Variants in XIRP2 observed in about 807,000 individuals in gnomAD.
XIRP2 encodes the protein xin actin binding repeat containing 2, also known as xin actin-binding repeat-containing protein 2.
Under a neutral mutation model 277.0 loss-of-function variants are expected in XIRP2, and 236 were observed. That is an observed-to-expected ratio of 0.85 (90% CI 0.77 to 0.95). The LOEUF is 0.95. Among genes scored for constraint, XIRP2 ranks in the 40% least tolerant of loss-of-function variants. XIRP2 has a pLI of 0.00. For missense variants in XIRP2, 4,640 were observed against 4,157.5 expected (o/e 1.12, Z -3.19); for synonymous variants, 1,490 against 1,416.5 (o/e 1.05, Z -1.17).
At chr2:167,202,708 A>G (rs1693757609) in intron 3 of XIRP2, among the ~76,000 whole-genome samples, 1 of 152,222 alleles carries the variant, frequency 6.6e-6, no homozygotes, top group Non-Finnish European at 1.5e-5. Context: ...TGTACAGTGA[A>G]TGCTTGTATC....
chr2:167,017,239 C>A (rs1305513329), intron 2 of XIRP2, among the ~76,000 whole-genome samples: 2 of 152,008 alleles, frequency 1.3e-5, no homozygotes, highest in Non-Finnish European at 2.9e-5. Flanking sequence ...TAATCTCCCA[C>A]TTCCTCTACA....
At position 167,251,038 on chromosome 2, in the gene XIRP2, A is replaced by G. The variant is rs773529778; in HGVS notation, c.9646A>G (p.Met3216Val). ...PIVEKRSEIIMSPATLRRQIK... is the reference protein window; with the variant it reads ...PIVEKRSEIIVSPATLRRQIK... ...TGTAGAGAAGAGGTCTGAAATCATCATGTCTCCTGCAACACTTCGTCGTCA... is the reference window on the plus strand; with the variant it reads ...TGTAGAGAAGAGGTCTGAAATCATCGTGTCTCCTGCAACACTTCGTCGTCA... The change falls in exon 9 of 11, where the codon ATG becomes GTG. Residue 3216 changes from methionine to valine, a missense_variant. Transcript: ENST00000409195. 12 of 1,613,656 alleles carry G rather than the reference A, an allele frequency of 7.4e-6. No homozygotes were observed. Among genetic ancestry groups the G allele is most frequent in the Non-Finnish European group, 8.5e-6 (10 of 1,179,740 alleles).
intron 2 of XIRP2, among the ~76,000 whole-genome samples, chr2:167,044,974 A>G (rs1030137260): frequency 2.0e-5 from 3 of 152,090 alleles, no homozygotes; most frequent in Non-Finnish European, 2.9e-5. Context: ...AGCCAGAGGC[A>G]TCACAATTCC....
chr2:167,026,905 T>C (rs1217817696), intron 2 of XIRP2, among the ~76,000 whole-genome samples: 1 of 152,144 alleles, frequency 6.6e-6, no homozygotes, highest in African/African-American at 2.4e-5. Flanking sequence ...CCTTTGTGGG[T>C]AACCCGACCT....
At chr2:166,909,876 G>T (rs1213278490) in intron 2 of XIRP2, among the ~76,000 whole-genome samples, 1 of 152,144 alleles carries the variant, frequency 6.6e-6, no homozygotes, top group African/African-American at 2.4e-5. Context: ...TAATCATGTG[G>T]TTTTTATCTT....
chr2:167,162,226 T>G (rs973697164), intron 3 of XIRP2, among the ~76,000 whole-genome samples: 1 of 152,248 alleles, frequency 6.6e-6, no homozygotes, highest in African/African-American at 2.4e-5. Context: ...TGTTCCAACA[T>G]CTGCCTGTTA....
chr2:167,092,496 T>C (rs896139240), intron 2 of XIRP2, among the ~76,000 whole-genome samples: 1 of 152,118 alleles, frequency 6.6e-6, no homozygotes, highest in Non-Finnish European at 1.5e-5. Context: ...CTTTTCAGTA[T>C]AAAAGTATTT....
Position 167,022,187 on chromosome 2 carries a change from T to C in XIRP2, c.409-113722T>C, listed in dbSNP as rs145695429. On this transcript the variant is annotated intron_variant, in intron 2 of 10. Transcript: ENST00000409195. ...GAAGAATATCTTTACAAACTATACA[T>C]TGTAATGTATGAAATTGTATGGGGA... is the stretch of plus-strand genomic sequence containing the variant. 4.0e-3 allele frequency among the ~76,000 whole-genome samples: 611 copies of C among 152,204 alleles called. 6 individuals are homozygous for C. The highest frequency in any genetic ancestry group is 0.014 in the African/African-American group (579 of 41,558).
At chr2:166,939,918 A>G (rs1252129734) in intron 2 of XIRP2, among the ~76,000 whole-genome samples, 7 of 151,856 alleles carry the variant, frequency 4.6e-5, no homozygotes, top group Non-Finnish European at 7.4e-5. Flanking sequence ...TCTGACAATT[A>G]TGTGTCTTGG....
intron 2 of XIRP2, 125 bp from the exon 3 acceptor site, chr2:167,135,784 A>G: frequency 1.1e-6 from 1 of 896,062 alleles, no homozygotes; most frequent in South Asian, 2.7e-5. Flanking sequence ...CCTGAAGCAT[A>G]TTGAAAACAT....
intron 2 of XIRP2, among the ~76,000 whole-genome samples, chr2:166,912,957 C>G (rs192556812): frequency 1.4e-4 from 22 of 152,294 alleles, no homozygotes; most frequent in African/African-American, 5.3e-4. Flanking sequence ...CTGATCATTC[C>G]TCTGGAAGCT....
In XIRP2 at chr2:167,259,167, G is replaced by T; in HGVS notation, c.*1350G>T. On this transcript the variant is annotated 3_prime_UTR_variant, in exon 11 of 11. Transcript: ENST00000409195. ...AAAAATATGCCATGCTTGGATTTAA[G>T]GGAATTTGGAAAGGATGTTAAACCT... The T allele has an allele frequency of 2.5e-6, 4 of 1,613,310 alleles. No homozygotes were observed. The highest frequency in any genetic ancestry group is 3.4e-6 in the Non-Finnish European group (4 of 1,179,618).
At position 167,198,627 on chromosome 2, in the gene XIRP2, A is replaced by T. The variant is rs147170692; in HGVS notation, c.563-12108A>T. Among the ~76,000 whole-genome samples the T allele has an allele frequency of 5.0e-3, 760 of 152,316 alleles. 2 individuals are homozygous for T. The highest frequency in any genetic ancestry group is 0.017 in the African/African-American group (715 of 41,572). On this transcript the variant is annotated intron_variant, in intron 3 of 10. Transcript: ENST00000409195. ...TTTATGTTCCTACTCAAGATGAAGTAATTAAAGGCCACATTGTTCTGAAAG... is the reference window on the plus strand; with the variant it reads ...TTTATGTTCCTACTCAAGATGAAGTTATTAAAGGCCACATTGTTCTGAAAG...
chr2:167,077,863 G>A (rs948781662), intron 2 of XIRP2, among the ~76,000 whole-genome samples: 3 of 152,194 alleles, frequency 2.0e-5, no homozygotes, highest in African/African-American at 7.2e-5. Flanking sequence ...CTGTGCTGTT[G>A]AAAATAGACT....
At chr2:167,073,921 G>T (rs551246217) in intron 2 of XIRP2, among the ~76,000 whole-genome samples, 1 of 152,218 alleles carries the variant, frequency 6.6e-6, no homozygotes, top group Non-Finnish European at 1.5e-5. Flanking sequence ...GCATAGTTCA[G>T]CTTAGAATTT....
intron 2 of XIRP2, among the ~76,000 whole-genome samples, chr2:166,939,603 C>T (rs1288075400): frequency 6.8e-6 from 1 of 147,618 alleles, no homozygotes; most frequent in African/African-American, 2.5e-5. Context: ...TGGCGTGAAC[C>T]CAGGAGGTGG....
intron 2 of XIRP2, among the ~76,000 whole-genome samples, chr2:166,916,023 C>G (rs949129854): frequency 1.3e-5 from 2 of 152,050 alleles, no homozygotes; most frequent in Admixed American, 6.6e-5. Flanking sequence ...TGCTAAGGGA[C>G]CATGAACCTA....
intron 2 of XIRP2, among the ~76,000 whole-genome samples, chr2:167,128,244 C>G (rs1691266386): frequency 6.6e-6 from 1 of 152,144 alleles, no homozygotes; most frequent in Admixed American, 6.5e-5. Context: ...CTTTTTCTAT[C>G]TCTCAATTGG....
At position 167,246,784 on chromosome 2, in the gene XIRP2, C is replaced by G; in HGVS notation, c.5392C>G (p.Leu1798Val). 1 of 1,613,812 alleles carries G rather than the reference C, an allele frequency of 6.2e-7. No homozygotes were observed. Among genetic ancestry groups the G allele is most frequent in the African/African-American group, 1.3e-5 (1 of 74,982 alleles). Residue 1798 changes from leucine (L) to valine (V), a missense_variant, in exon 9 of 11, where the codon CTG becomes GTG. Physicochemically the swap from Leu to Val is conservative, Grantham distance 32. Coordinates refer to ENST00000409195, the MANE Select transcript of XIRP2 (RefSeq NM_152381.6). ...TKLLLKKRQS[L>V]VERTVSETDI... ...ACTGTTACTGAAGAAAAGGCAGTCT[C>G]TGGTTGAACGTACTGTTAGTGAAAC...
Sources: allele counts gnomAD v4.1 joint callset (sites outside exome capture counted in the v4.1 genomes callset), GRCh38; gene constraint gnomAD v4.1.1; transcripts MANE v1.5; gene names NCBI Gene and HGNC (gene_info 2026-07-23, HGNC 2026-07-21).